Variants in SPAG5 observed in about 807,000 individuals in gnomAD.
The protein encoded by SPAG5 is sperm associated antigen 5, also known as sperm-associated antigen 5.
SPAG5 carries 99 observed loss-of-function variants against 145.4 expected under a neutral mutation model. The observed-to-expected ratio is 0.68, with a 90% confidence interval of 0.58 to 0.80. The LOEUF is 0.80. Ranked by LOEUF, SPAG5 falls within the 30% of genes least tolerant of loss-of-function variation. The probability of loss-of-function intolerance (pLI) is 0.00; values close to 1 mark genes in which losing one functional copy is unlikely to be tolerated. For missense variants in SPAG5, 1,192 were observed against 1,416.0 expected (o/e 0.84, Z 2.54); for synonymous variants, 477 against 525.4 (o/e 0.91, Z 1.26).
chr17:28,585,366 T>G lies in SPAG5; in HGVS notation c.1906A>C (p.Ser636Arg). 6.2e-7 allele frequency: 1 copy of G among 1,614,242 alleles called. No homozygotes were observed. Among genetic ancestry groups the G allele is most frequent in the African/African-American group, 1.3e-5 (1 of 75,068 alleles). ...KQEELVQQTV[S>R]LTSTLQQDWR... is the part of the protein sequence containing the mutation. ...TCTTGTTGCAAGGTAGAAGTAAGAC[T>G]CACTGTCTGCTGAACCAGCTCTTCT... Residue 636 changes from serine to arginine, a missense_variant, in exon 9 of 24, where the codon AGT becomes CGT. By Grantham distance (110) the Ser-to-Arg change is moderately radical (BLOSUM62 -1). This residue lies in a region of SPAG5 where 709 missense variants were observed against 840.7 expected (regional missense o/e 0.84). Coordinates refer to ENST00000321765, the MANE Select transcript of SPAG5 (RefSeq NM_006461.4).
Position 28,592,572 on chromosome 17 carries a change from T to C in SPAG5, c.672A>G (p.Arg224=). The C allele has an allele frequency of 6.2e-7, 1 of 1,614,202 alleles. No individual in the cohort carries two copies. Among genetic ancestry groups the C allele is most frequent in the Non-Finnish European group, 8.5e-7 (1 of 1,180,036 alleles). ...LHCSKESLSS[R]TEAVREDLVP... Reference sequence around the variant, plus strand: ...CTAAGTCCTCACGCACAGCCTCAGTTCTACTGCTCAGGCTTTCCTTGGAGC... The same window carrying C: ...CTAAGTCCTCACGCACAGCCTCAGTCCTACTGCTCAGGCTTTCCTTGGAGC... The change falls in exon 3 of 24, where the codon AGA becomes AGG. Residue 224 remains arginine, a synonymous_variant. Coordinates refer to ENST00000321765, the MANE Select transcript of SPAG5 (RefSeq NM_006461.4).
intron 2 of SPAG5, among the ~76,000 whole-genome samples, chr17:28,598,221 AG>A (rs1229827817): frequency 6.6e-6 from 1 of 152,262 alleles, no homozygotes; most frequent in East Asian, 1.9e-4. Context: ...CCCATGTTGG[AG>A]GAAGAGCACT....
chr17:28,579,786 G>A lies in SPAG5; in HGVS notation c.2849C>T (p.Thr950Ile), dbSNP rs754060658. The change falls in exon 17 of 24, where the codon ACC (threonine) becomes ATC (isoleucine). Residue 950 changes from threonine to isoleucine, a missense_variant. By Grantham distance (89) the Thr-to-Ile change is moderately conservative. Around this residue, in one of 5 missense-constraint regions of SPAG5, gnomAD observed 709 missense variants for 840.7 expected, o/e 0.84. Transcript: ENST00000321765. ...PLLGSDKSAF[T>I]RVASMVSLQP... ...AAGGGAAACCATTGATGCTACTCGG[G>A]TGAAAGCACTCTTGTCACTTCCAAG... 6.2e-7 allele frequency: 1 copy of A among 1,614,070 alleles called. No homozygotes were observed. Among genetic ancestry groups the A allele is most frequent in the African/African-American group, 1.3e-5 (1 of 74,936 alleles).
chr17:28,586,429 A>G lies in SPAG5; in HGVS notation c.1508T>C (p.Val503Ala), dbSNP rs746653661. 1.9e-6 allele frequency: 3 copies of G among 1,612,246 alleles called. No homozygotes were observed. The African/African-American group carries it at 4.0e-5, about 22-fold the overall frequency. Residue 503 changes from valine (V) to alanine (A), a missense_variant, in exon 5 of 24, where the codon GTC becomes GCC. Val to Ala is a moderately conservative substitution (Grantham distance 64). Transcript: ENST00000321765. ...MGQALQQARN[V>A]MQSWVLISKE... is the part of the protein sequence containing the mutation. ...GTAAGGTCAATCATCACTTACCATG[A>G]CATTTCTGGCCTGCTGTAGGGCCTG...
chr17:28,595,772 G>A (rs1284381109), intron 2 of SPAG5, among the ~76,000 whole-genome samples: 15 of 151,716 alleles, frequency 9.9e-5, no homozygotes, highest in African/African-American at 3.1e-4. Context: ...TAGGCCGGGC[G>A]CGGTGGCTCA....
At chr17:28,597,625 T>C (rs2070675594) in intron 2 of SPAG5, among the ~76,000 whole-genome samples, 1 of 152,272 alleles carries the variant, frequency 6.6e-6, no homozygotes, top group African/African-American at 2.4e-5. Flanking sequence ...GGATGTCATC[T>C]GTCTATACAC....
At position 28,591,700 on chromosome 17, in the gene SPAG5, C is replaced by G. The variant is rs1476616681; in HGVS notation, c.1435G>C (p.Gly479Arg). The G allele has an allele frequency of 6.2e-7, 1 of 1,604,414 alleles. No homozygotes were observed. Among genetic ancestry groups the G allele is most frequent in the African/African-American group, 1.3e-5 (1 of 74,654 alleles). ...AGCTTTGAGAGGAACCTTCTTACCC[C>G]ACTGTGAGATGTGTCAGTCTGTGTG... ...SSTQTDTSHS[G>R]ITNKLQHLKE... Residue 479 changes from glycine (G) to arginine (R), a missense_variant and splice_region_variant, in exon 4 of 24, where the codon GGG becomes CGG. Around this residue, in one of 5 missense-constraint regions of SPAG5, gnomAD observed 709 missense variants for 840.7 expected, o/e 0.84. Transcript: ENST00000321765.
At chr17:28,577,979 A>G in intron 23 of SPAG5, 31 bp downstream of exon 23, 1 of 1,570,332 alleles carries the variant, frequency 6.4e-7, no homozygotes, top group Non-Finnish European at 8.8e-7. Flanking sequence ...TACCAGGTTC[A>G]TTAGTGATAT....
intron 4 of SPAG5, among the ~76,000 whole-genome samples, chr17:28,587,472 G>C (rs1299538192): frequency 2.0e-5 from 3 of 151,752 alleles, no homozygotes; most frequent in Admixed American, 6.6e-5. Flanking sequence ...CTTGAAACCG[G>C]GAGGCAAGGT....
Position 28,585,846 on chromosome 17 carries a change from A to G in SPAG5, c.1740+18T>C, listed in dbSNP as rs1379243432. 3 of 1,614,198 alleles carry G rather than the reference A, an allele frequency of 1.9e-6. No individual in the cohort carries two copies. Among genetic ancestry groups the G allele is most frequent in the Non-Finnish European group, 2.5e-6 (3 of 1,180,034 alleles). ...GTGGAAACCTCCCACATCCAAGAAC[A>G]AATGCCTGTCACCTTACCGCATCCT... On this transcript the variant is annotated intron_variant, in intron 7 of 23. Coordinates refer to ENST00000321765, the MANE Select transcript of SPAG5 (RefSeq NM_006461.4).
At chr17:28,595,313 A>G (rs1245102033) in intron 2 of SPAG5, among the ~76,000 whole-genome samples, 1 of 152,028 alleles carries the variant, frequency 6.6e-6, no homozygotes, top group Non-Finnish European at 1.5e-5. Flanking sequence ...GTGTGTGCAT[A>G]TATACAAAAT....
intron 2 of SPAG5, among the ~76,000 whole-genome samples, chr17:28,593,575 G>A (rs779021491): frequency 1.2e-4 from 19 of 152,154 alleles, no homozygotes; most frequent in Middle Eastern, 3.4e-3. Context: ...AACATTAGCC[G>A]GGCATGGTGG....
chr17:28,583,359 G>A, intron 15 of SPAG5, 152 bp downstream of exon 15: 1 of 747,874 alleles, frequency 1.3e-6, no homozygotes, highest in Non-Finnish European at 2.0e-6. Flanking sequence ...TAGGAGACAG[G>A]GGAAGAAAGG....
Position 28,583,612 on chromosome 17 carries a change from G to C in SPAG5, c.2584C>G (p.Gln862Glu). 6.2e-7 allele frequency: 1 copy of C among 1,613,374 alleles called. No individual in the cohort carries two copies. The highest frequency in any genetic ancestry group is 1.1e-5 in the South Asian group (1 of 90,914). ...LASTIADNQE[Q>E]DLEKTRQYSQ... ...TACTGCCGTGTTTTCTCCAGATCTT[G>C]CTCCTGGTTATCTGCTATGGTGCTG... Residue 862 changes from glutamine to glutamate, a missense_variant, in exon 15 of 24, where the codon CAA becomes GAA. Physicochemically the swap from Gln to Glu is conservative, Grantham distance 29. Around this residue, in one of 5 missense-constraint regions of SPAG5, gnomAD observed 709 missense variants for 840.7 expected, o/e 0.84. Transcript: ENST00000321765.
chr17:28,583,762 C>G, intron 14 of SPAG5, 91 bp downstream of exon 14: 1 of 1,546,078 alleles, frequency 6.5e-7, no homozygotes. Flanking sequence ...TCAACACTCA[C>G]AGTTCTCTTC....
At chr17:28,585,815 C>A (rs761249527) in intron 7 of SPAG5, 49 bp downstream of exon 7, 46 of 1,613,494 alleles carry the variant, frequency 2.9e-5, no homozygotes, top group Non-Finnish European at 3.6e-5. Flanking sequence ...CTGCAGGAAC[C>A]TTGAGGTGGA....
rs1414074870 is a variant in SPAG5 at position 28,585,619 on chromosome 17, G to C, written c.1775C>G (p.Ala592Gly). ...EIVLEAFCAH[A>G]SQRISQLEQD... ...TTCCAGCTGGCTGATGCGCTGGCTG[G>C]CGTGTGCACAGAAAGCCTCCAACAC... Residue 592 changes from alanine to glycine, a missense_variant, in exon 8 of 24, where the codon GCC (alanine) becomes GGC (glycine). By Grantham distance (60) the Ala-to-Gly change is moderately conservative. Around this residue, in one of 5 missense-constraint regions of SPAG5, gnomAD observed 709 missense variants for 840.7 expected, o/e 0.84. Transcript: ENST00000321765. 2.5e-6 allele frequency: 4 copies of C among 1,614,048 alleles called. No individual in the cohort carries two copies. The highest frequency in any genetic ancestry group is 3.4e-6 in the Non-Finnish European group (4 of 1,180,028).
chr17:28,579,778 C>A lies in SPAG5; in HGVS notation c.2857G>T (p.Ala953Ser). The A allele has an allele frequency of 1.2e-6, 2 of 1,614,204 alleles. No homozygotes were observed. The highest frequency in any genetic ancestry group is 8.5e-7 in the Non-Finnish European group (1 of 1,180,022). Residue 953 changes from alanine (A) to serine (S), a missense_variant, in exon 17 of 24, where the codon GCA becomes TCA. By Grantham distance (99) the Ala-to-Ser change is moderately conservative. Coordinates refer to ENST00000321765, the MANE Select transcript of SPAG5 (RefSeq NM_006461.4). Reference protein sequence around the residue: ...GSDKSAFTRVASMVSLQPAET... With the variant: ...GSDKSAFTRVSSMVSLQPAET... ...GCGGGCTGAAGGGAAACCATTGATGCTACTCGGGTGAAAGCACTCTTGTCA... is the reference window on the plus strand; with the variant it reads ...GCGGGCTGAAGGGAAACCATTGATGATACTCGGGTGAAAGCACTCTTGTCA...
At position 28,580,135 on chromosome 17, in the gene SPAG5, GA is replaced by G. The variant is rs1475213471; in HGVS notation, c.2686-16del. 1.2e-5 allele frequency: 19 copies of G among 1,582,652 alleles called. No homozygotes were observed. Among genetic ancestry groups the G allele is most frequent in the Non-Finnish European group, 1.6e-5 (18 of 1,158,194 alleles). On this transcript the variant is annotated splice_polypyrimidine_tract_variant and intron_variant, in intron 15 of 23. Transcript: ENST00000321765. ...TCTTGTTCAGTCTAAGGGCAAAGAA[GA>G]AAAAATAGCTGCTGTTCAGGTCTAG...
Sources: allele counts gnomAD v4.1 joint callset (sites outside exome capture counted in the v4.1 genomes callset), GRCh38; gene constraint gnomAD v4.1.1; regional missense constraint gnomAD v4.1.1; transcripts MANE v1.5; gene names NCBI Gene and HGNC (gene_info 2026-07-23, HGNC 2026-07-21).